The following FANCC variants were observed in gnomAD, a reference collection of about 807,000 sequenced individuals.
FANCC encodes the protein Fanconi anemia group C protein.
In FANCC, 55 loss-of-function variants were observed where a neutral mutation model predicts 71.3. That is an observed-to-expected ratio of 0.77 (90% CI 0.62 to 0.97). FANCC has a LOEUF of 0.97. Ranked by LOEUF, FANCC falls within the 50% of genes least tolerant of loss-of-function variation. The probability of loss-of-function intolerance (pLI) is 0.00; values close to 1 mark genes in which losing one functional copy is unlikely to be tolerated. For synonymous variants in FANCC, 275 were observed against 244.9 expected (o/e 1.12, Z -1.15); for missense variants, 678 against 670.9 (o/e 1.01, Z -0.12).
At chr9:95,187,705 T>C (rs1826816513) in intron 4 of FANCC, among the ~76,000 whole-genome samples, 1 of 151,942 alleles carries the variant, frequency 6.6e-6, no homozygotes, top group South Asian at 2.1e-4. Flanking sequence ...TGTGTGTCTT[T>C]ATCTCCTGTG....
chr9:95,287,151 T>G (rs1833739691), intron 1 of FANCC, among the ~76,000 whole-genome samples: 1 of 152,128 alleles, frequency 6.6e-6, no homozygotes, highest in African/African-American at 2.4e-5. Flanking sequence ...GTAAATATCT[T>G]GCCCAAATAT....
chr9:95,101,947 A>C, intron 14 of FANCC, 97 bp from the exon 15 acceptor site: 1 of 1,403,284 alleles, frequency 7.1e-7, no homozygotes, highest in Non-Finnish European at 9.9e-7. Context: ...TCCCTGAAAG[A>C]AGCCCTATCC....
chr9:95,255,328 T>C (rs950323348), intron 1 of FANCC, among the ~76,000 whole-genome samples: 1 of 151,970 alleles, frequency 6.6e-6, no homozygotes, highest in Non-Finnish European at 1.5e-5. Flanking sequence ...AACTGGCGGG[T>C]GCCCCTCTGA....
chr9:95,143,411 G>C (rs1255347064), intron 7 of FANCC, among the ~76,000 whole-genome samples: 2 of 152,086 alleles, frequency 1.3e-5, no homozygotes, highest in Non-Finnish European at 2.9e-5. Context: ...GGTTCCTTTG[G>C]CTACCAGCCC....
At chr9:95,120,599 T>C (rs942485931) in intron 10 of FANCC, among the ~76,000 whole-genome samples, 1 of 151,952 alleles carries the variant, frequency 6.6e-6, no homozygotes, top group Non-Finnish European at 1.5e-5. Flanking sequence ...TTATTTACTT[T>C]TTTGTAGAGA....
chr9:95,214,837 C>T (rs535903255), intron 4 of FANCC, among the ~76,000 whole-genome samples: 24 of 152,102 alleles, frequency 1.6e-4, no homozygotes, highest in East Asian at 5.8e-4. Context: ...ATGGTGGTGC[C>T]GGGGCAGAGG....
chr9:95,153,010 C>T (rs1434168443), intron 6 of FANCC, among the ~76,000 whole-genome samples: 1 of 152,140 alleles, frequency 6.6e-6, no homozygotes, highest in Admixed American at 6.6e-5. Flanking sequence ...CAAAGCTGTC[C>T]TGGGCTGCAT....
rs754711527 is a variant in FANCC at position 95,242,242 on chromosome 9, T to C, written c.251-1499A>G. On this transcript the variant is annotated intron_variant, in intron 3 of 14. Transcript: ENST00000289081. Reference sequence around the variant, plus strand: ...ACTGGCTTGCCTGAGATCAGTTCATTTCAAGAGTCGTATAATTTAACCACT... The same window carrying C: ...ACTGGCTTGCCTGAGATCAGTTCATCTCAAGAGTCGTATAATTTAACCACT... 5.5e-4 allele frequency among the ~76,000 whole-genome samples: 84 copies of C among 152,216 alleles called. 1 individual carries two copies. Among genetic ancestry groups the C allele is most frequent in the Middle Eastern group, 3.4e-3 (1 of 294 alleles).
chr9:95,124,244 A>G (rs999144998), intron 10 of FANCC, among the ~76,000 whole-genome samples: 38 of 152,078 alleles, frequency 2.5e-4, no homozygotes, highest in Admixed American at 3.9e-4. Flanking sequence ...AGAGCTTCAC[A>G]GGGGCCGTGA....
At chr9:95,185,950 A>AT (rs929168191) in intron 4 of FANCC, among the ~76,000 whole-genome samples, 1 of 152,190 alleles carries the variant, frequency 6.6e-6, no homozygotes, top group Non-Finnish European at 1.5e-5. Flanking sequence ...AGTCTAATTA[A>AT]TTTTTTCCTC....
chr9:95,180,679 A>T (rs916864401), intron 4 of FANCC, among the ~76,000 whole-genome samples: 1 of 151,866 alleles, frequency 6.6e-6, no homozygotes, highest in African/African-American at 2.4e-5. Flanking sequence ...CTCTAAAATA[A>T]CAAAAAGTAT....
intron 1 of FANCC, among the ~76,000 whole-genome samples, chr9:95,291,189 A>G (rs564130694): frequency 6.6e-6 from 1 of 152,320 alleles, no homozygotes; most frequent in African/African-American, 2.4e-5. Flanking sequence ...CACTCTTACC[A>G]CTTCTATCCA....
intron 2 of FANCC, among the ~76,000 whole-genome samples, chr9:95,247,928 C>T (rs867704401): frequency 6.6e-6 from 1 of 151,976 alleles, no homozygotes; most frequent in African/African-American, 2.4e-5. Context: ...AGAGAGGTTA[C>T]GAACTCAGCT....
At chr9:95,285,786 T>C (rs1833656141) in intron 1 of FANCC, among the ~76,000 whole-genome samples, 1 of 152,204 alleles carries the variant, frequency 6.6e-6, no homozygotes. Flanking sequence ...GAGAAGTATA[T>C]CAAAAAACTT....
At chr9:95,198,603 G>T (rs1827603390) in intron 4 of FANCC, among the ~76,000 whole-genome samples, 1 of 152,174 alleles carries the variant, frequency 6.6e-6, no homozygotes, top group African/African-American at 2.4e-5. Flanking sequence ...TCCTCTAACA[G>T]CCTGAATTTG....
In FANCC at chr9:95,179,050, C is replaced by T. The variant is rs139449907; in HGVS notation, c.346-6903G>A. 2.4e-4 allele frequency among the ~76,000 whole-genome samples: 37 copies of T among 152,246 alleles called. No individual in the cohort carries two copies. In the East Asian group the frequency reaches 6.4e-3, roughly 26 times the overall value. On this transcript the variant is annotated intron_variant, in intron 4 of 14. Transcript: ENST00000289081. ...CATGGAAACCATAATAGAGATTTCGCTAACTTTGGATTAAAATAATTATAA... is the reference window on the plus strand; with the variant it reads ...CATGGAAACCATAATAGAGATTTCGTTAACTTTGGATTAAAATAATTATAA...
chr9:95,264,333 A>G (rs890305352), intron 1 of FANCC, among the ~76,000 whole-genome samples: 1 of 152,240 alleles, frequency 6.6e-6, no homozygotes, highest in African/African-American at 2.4e-5. Flanking sequence ...AAAAAAAGCA[A>G]CAAGGCTGTT....
intron 1 of FANCC, chr9:95,316,760 A>C (rs1588461118): frequency 6.6e-6 from 1 of 152,368 alleles, no homozygotes; most frequent in East Asian, 1.9e-4. Flanking sequence ...TGGACACATA[A>C]GATCATAGAG....
At chr9:95,139,400 T>C (rs555318737) in intron 7 of FANCC, among the ~76,000 whole-genome samples, 60 of 152,286 alleles carry the variant, frequency 3.9e-4, no homozygotes, top group Non-Finnish European at 7.9e-4. Flanking sequence ...CACAGCCCCG[T>C]GTTAATCATC....
Sources: gnomAD v4.1 joint callset for allele counts (sites outside exome capture counted in the v4.1 genomes callset) on GRCh38, gnomAD v4.1.1 for gene constraint, MANE v1.5 for transcripts, NCBI Gene and HGNC (gene_info 2026-07-23, HGNC 2026-07-21) for gene names.